The following PTPRB variants were observed in gnomAD, a reference collection of about 807,000 sequenced individuals.
PTPRB encodes the protein receptor-type tyrosine-protein phosphatase beta.
Under a neutral mutation model 238.1 loss-of-function variants are expected in PTPRB, and 97 were observed. The ratio of observed to expected loss-of-function variants is 0.41; its 90% CI spans 0.35 to 0.48. The LOEUF is 0.48. PTPRB is among the 20% of genes least tolerant of loss of function. The probability of loss-of-function intolerance (pLI) is 0.30; values close to 1 mark genes in which losing one functional copy is unlikely to be tolerated. For missense variants in PTPRB, 2,292 were observed against 2,681.9 expected (o/e 0.85, Z 3.21); for synonymous variants, 970 against 995.4 (o/e 0.97, Z 0.48).
At chr12:70,588,131 AAAG>A (rs1440361949) in intron 8 of PTPRB, among the ~76,000 whole-genome samples, 2 of 151,734 alleles carry the variant, frequency 1.3e-5, no homozygotes, top group African/African-American at 4.8e-5. Flanking sequence ...AAAGAAAAGA[AAAG>A]AATAAAGTGT....
At chr12:70,544,741 A>C (rs1285851874) in intron 21 of PTPRB, 78 bp from the exon 22 acceptor site, 3 of 974,984 alleles carry the variant, frequency 3.1e-6, no homozygotes, top group Non-Finnish European at 4.4e-6. Context: ...AAGGAGAAAT[A>C]GGGCGGGTTC....
Position 70,596,164 on chromosome 12 carries a change from A to T in PTPRB, c.1143T>A (p.Thr381=), listed in dbSNP as rs748733615. ...KIQGVQIQES[T]SWNEYTFFNL... is the part of the protein sequence containing the mutation. ...TGAAAAAAGTGTATTCATTCCATGA[A>T]GTACTTTCTTGAATTTGAACCCCCT... Residue 381 remains threonine (T), a synonymous_variant, in exon 5 of 34, where the codon ACT becomes ACA. Coordinates refer to ENST00000334414, the MANE Select transcript of PTPRB (RefSeq NM_001109754.4). 4 of 1,613,768 alleles carry T rather than the reference A, an allele frequency of 2.5e-6. No individual in the cohort carries two copies. Among genetic ancestry groups the T allele is most frequent in the Non-Finnish European group, 3.4e-6 (4 of 1,179,754 alleles).
At chr12:70,531,439 A>C (rs1015653374) in intron 32 of PTPRB, among the ~76,000 whole-genome samples, 1 of 152,054 alleles carries the variant, frequency 6.6e-6, no homozygotes, top group Non-Finnish European at 1.5e-5. Context: ...TGAGGAAGAG[A>C]TCTGACCCTG....
At chr12:70,584,833 G>A (rs1881727545) in intron 9 of PTPRB, 1 of 152,042 alleles carries the variant, frequency 6.6e-6, no homozygotes, top group Non-Finnish European at 1.5e-5. Flanking sequence ...GAGAAAAAAG[G>A]TAGTAAATTG....
In PTPRB at chr12:70,532,032, T is replaced by C; in HGVS notation, c.6504+3A>G. On this transcript the variant is annotated splice_donor_region_variant and intron_variant, in intron 32 of 33. Coordinates refer to ENST00000334414, the MANE Select transcript of PTPRB (RefSeq NM_001109754.4). Reference sequence around the variant, plus strand: ...CCTGTAACTTTCAGTCTATAACTCTTACCTCAGTCTGGACCATGTGAACCC... The same window carrying C: ...CCTGTAACTTTCAGTCTATAACTCTCACCTCAGTCTGGACCATGTGAACCC... 6.2e-7 allele frequency: 1 copy of C among 1,613,980 alleles called. No individual in the cohort carries two copies.
rs1166708195 is a variant in PTPRB, at chr12:70,630,782, C to T, written c.451+4889G>A. Among the ~76,000 whole-genome samples, 4 of 152,248 alleles carry T rather than the reference C, an allele frequency of 2.6e-5. No individual in the cohort carries two copies. In the East Asian group the frequency reaches 7.7e-4, roughly 29 times the overall value. The stretch of plus-strand genomic sequence containing the variant: ...CAAAAATCACAAGCATTACTACACA[C>T]CAATAACAGACAGAGAGCCAAGTCA... On this transcript the variant is annotated intron_variant, in intron 2 of 33. Coordinates refer to ENST00000334414, the MANE Select transcript of PTPRB (RefSeq NM_001109754.4).
intron 31 of PTPRB, 146 bp from the exon 32 acceptor site, chr12:70,532,316 C>G: frequency 9.4e-7 from 1 of 1,059,616 alleles, no homozygotes; most frequent in South Asian, 1.8e-5. Flanking sequence ...TAAGTTTAAC[C>G]TAGAGTCCCC....
chr12:70,536,337 C>CTAGT (rs533572654), intron 28 of PTPRB, among the ~76,000 whole-genome samples, 178 bp from the exon 29 acceptor site: 123 of 152,316 alleles, frequency 8.1e-4, no homozygotes, highest in Admixed American at 3.1e-3. Context: ...GAACATTGAA[C>CTAGT]TAGTGTTAAG....
rs1370993812 is a variant in PTPRB, at chr12:70,547,499, TTTTTCTTTC to T, written c.5388-2845_5388-2837del. 1.7e-4 allele frequency among the ~76,000 whole-genome samples: 25 copies of T among 150,512 alleles called. No individual in the cohort carries two copies. The South Asian group carries it at 5.1e-3, about 30-fold the overall frequency. ...TATAAGTGTGGAAATACTTTTTTTC[TTTTTCTTTC>T]TTTTCTTTCCTTCCTTTTTTTTTTT... On this transcript the variant is annotated intron_variant, in intron 21 of 33. Coordinates refer to ENST00000334414, the MANE Select transcript of PTPRB (RefSeq NM_001109754.4).
chr12:70,633,690 G>T (rs949430660), intron 2 of PTPRB, among the ~76,000 whole-genome samples: 7 of 151,948 alleles, frequency 4.6e-5, no homozygotes, highest in South Asian at 2.1e-4. Flanking sequence ...ATATAGCATT[G>T]TTCAGTGGTT....
chr12:70,572,114 A>G (rs2136381688), intron 11 of PTPRB, 27 bp from the exon 12 acceptor site: 1 of 1,569,538 alleles, frequency 6.4e-7, no homozygotes, highest in Non-Finnish European at 8.7e-7. Flanking sequence ...GAGTAACTAA[A>G]TATTTATGAA....
chr12:70,537,242 G>C (rs1592414095), intron 28 of PTPRB, among the ~76,000 whole-genome samples: 1 of 137,060 alleles, frequency 7.3e-6, no homozygotes, highest in African/African-American at 2.8e-5. Context: ...AGCAGAGATC[G>C]CGCCACTGCA....
At chr12:70,559,186 A>G (rs1878123760) in intron 18 of PTPRB, 157 bp downstream of exon 18, 1 of 779,080 alleles carries the variant, frequency 1.3e-6, no homozygotes, top group Non-Finnish European at 2.1e-6. Flanking sequence ...TTAATGTTGA[A>G]TGAACGAACA....
chr12:70,596,377 G>GA (rs1209587605), intron 4 of PTPRB, 50 bp from the exon 5 acceptor site: 346 of 1,269,218 alleles, frequency 2.7e-4, no homozygotes, highest in East Asian at 1.1e-3. Flanking sequence ...GAAAGAAAAA[G>GA]AAAAAAAAAG....
intron 4 of PTPRB, among the ~76,000 whole-genome samples, chr12:70,608,437 A>G (rs1055456689): frequency 2.6e-5 from 4 of 152,202 alleles, no homozygotes; most frequent in African/African-American, 9.6e-5. Context: ...AGAAAGGCAA[A>G]CTCTGAACAT....
At chr12:70,579,070 C>G (rs2136413285) in intron 10 of PTPRB, among the ~76,000 whole-genome samples, 1 of 152,254 alleles carries the variant, frequency 6.6e-6, no homozygotes, top group South Asian at 2.1e-4. Flanking sequence ...CATGAACACC[C>G]ACATTATACA....
chr12:70,600,945 G>A (rs796121208), intron 4 of PTPRB, among the ~76,000 whole-genome samples: 17 of 152,102 alleles, frequency 1.1e-4, no homozygotes, highest in African/African-American at 3.4e-4. Flanking sequence ...TCGGCTCACT[G>A]CAACCTCCGC....
At chr12:70,548,296 CCAGCCTGGGCAACA>C (rs1876330258) in intron 21 of PTPRB, among the ~76,000 whole-genome samples, 1 of 151,480 alleles carries the variant, frequency 6.6e-6, no homozygotes, top group African/African-American at 2.4e-5. Flanking sequence ...CCACTGCACT[CCAGCCTGGGCAACA>C]CAGCAAGACT....
rs367103 is a variant in PTPRB, at chr12:70,527,153, A to G, written c.6505-2562T>C. Among the ~76,000 whole-genome samples the G allele has an allele frequency of 8.5e-3, 1,296 of 152,312 alleles. 22 individuals are homozygous for G. Among genetic ancestry groups the G allele is most frequent in the African/African-American group, 0.029 (1,220 of 41,560 alleles). ...ATTTGGAGTATTAGATATTATTTAT[A>G]GTATTACAGTCTCTTTGTGATCCCT... On this transcript the variant is annotated intron_variant, in intron 32 of 33. Coordinates refer to ENST00000334414, the MANE Select transcript of PTPRB (RefSeq NM_001109754.4).
Sources: gnomAD v4.1 joint callset for allele counts (sites outside exome capture counted in the v4.1 genomes callset) on GRCh38, gnomAD v4.1.1 for gene constraint, MANE v1.5 for transcripts, NCBI Gene and HGNC (gene_info 2026-07-23, HGNC 2026-07-21) for gene names.